Variants in TDRD5 observed in about 807,000 individuals in gnomAD.
The protein encoded by TDRD5 is tudor domain containing 5.
In TDRD5, 41 loss-of-function variants were observed where a neutral mutation model predicts 120.6. That is an observed-to-expected ratio of 0.34 (90% CI 0.26 to 0.44). The LOEUF (loss-of-function observed/expected upper bound fraction) is 0.44, where lower values mean the gene tolerates loss of function less well. Ranked by LOEUF, TDRD5 falls within the 20% of genes least tolerant of loss-of-function variation. The pLI is 1.00. For synonymous variants in TDRD5, 430 were observed against 433.7 expected, an observed-to-expected ratio of 0.99 and a Z score of 0.11; for missense variants, 1,006 against 1,221.2, an observed-to-expected ratio of 0.82 and a Z score of 2.63.
chr1:179,630,072 T>TGGGTTCATGCCATTCTCC lies in TDRD5; in HGVS notation c.973-674_973-657dup, dbSNP rs936314735. 2.6e-5 allele frequency among the ~76,000 whole-genome samples: 4 copies of TGGGTTCATGCCATTCTCC among 151,702 alleles called. No homozygotes were observed. The East Asian group carries it at 7.7e-4, about 29-fold the overall frequency. ...TTGGCTCACTGCAAGCTCCACCTCC[T>TGGGTTCATGCCATTCTCC]GGGTTCATGCCATTCTCCGGGTTCA... On this transcript the variant is annotated intron_variant, in intron 6 of 17. Transcript: ENST00000444136.
Position 179,649,460 on chromosome 1 carries a change from T to C in TDRD5, c.1801-1407T>C, listed in dbSNP as rs542028452. ...TTTCCATGCTGCATTCTGGGAAATT[T>C]TTTTCAAAATACCTCACACTTTACC... On this transcript the variant is annotated intron_variant, in intron 11 of 17. Transcript: ENST00000444136. 5.3e-5 allele frequency among the ~76,000 whole-genome samples: 8 copies of C among 152,236 alleles called. No individual in the cohort carries two copies. The South Asian group carries it at 1.7e-3, about 32-fold the overall frequency.
At chr1:179,652,343 G>A (rs1678768223) in intron 13 of TDRD5, 146 bp downstream of exon 13, 1 of 819,956 alleles carries the variant, frequency 1.2e-6, no homozygotes, top group Non-Finnish European at 1.9e-6. Context: ...TTATTTGCTG[G>A]CTTAAGTGTT....
intron 5 of TDRD5, 54 bp from the exon 6 acceptor site, chr1:179,620,981 G>A: frequency 7.7e-7 from 1 of 1,301,774 alleles, no homozygotes; most frequent in Non-Finnish European, 1.1e-6. Flanking sequence ...TTTTAATATT[G>A]TGTCACTCAG....
intron 17 of TDRD5, among the ~76,000 whole-genome samples, chr1:179,683,716 T>G (rs1005828082): frequency 7.9e-5 from 12 of 152,228 alleles, no homozygotes; most frequent in African/African-American, 2.9e-4. Context: ...GGTGCCAATT[T>G]GAAGGGTTTC....
At chr1:179,619,134 A>C (rs1055889763) in intron 5 of TDRD5, among the ~76,000 whole-genome samples, 2 of 152,140 alleles carry the variant, frequency 1.3e-5, no homozygotes, top group Non-Finnish European at 2.9e-5. Flanking sequence ...ATTTTTCTAG[A>C]AGTGGAATTG....
Position 179,607,085 on chromosome 1 carries a change from C to T in TDRD5, c.831+11267C>T, listed in dbSNP as rs80157095. 7.8e-4 allele frequency among the ~76,000 whole-genome samples: 118 copies of T among 152,074 alleles called. 2 individuals carry two copies. In the East Asian group the frequency reaches 0.022, roughly 28 times the overall value. ...TATCCATGAACATGGAATAATTATCCGTTTATTTCTTCTTTGATATCTTTC... is the reference window on the plus strand; with the variant it reads ...TATCCATGAACATGGAATAATTATCTGTTTATTTCTTCTTTGATATCTTTC... On this transcript the variant is annotated intron_variant, in intron 4 of 17. Transcript: ENST00000444136.
In TDRD5 at chr1:179,632,774, C is replaced by T. The variant is rs181293604; in HGVS notation, c.1127-1683C>T. Among the ~76,000 whole-genome samples, 418 of 152,218 alleles carry T rather than the reference C, an allele frequency of 2.7e-3. 3 individuals carry two copies. The highest frequency in any genetic ancestry group is 9.5e-3 in the African/African-American group (395 of 41,542). On this transcript the variant is annotated intron_variant, in intron 7 of 17. Transcript: ENST00000444136. ...TACACAAAACAGTAGTATATAAATA[C>T]AAATTTTCCTCAACTTATGATGGGG...
intron 11 of TDRD5, among the ~76,000 whole-genome samples, chr1:179,646,253 A>G (rs972652245): frequency 2.6e-5 from 4 of 152,232 alleles, no homozygotes; most frequent in African/African-American, 9.6e-5. Context: ...ACATTAGAGC[A>G]CTTTAACTCC....
intron 14 of TDRD5, among the ~76,000 whole-genome samples, chr1:179,660,370 C>T (rs1679246898): frequency 6.6e-6 from 1 of 151,934 alleles, no homozygotes; most frequent in African/African-American, 2.4e-5. Context: ...CAGGCACCCA[C>T]CAGCACACCT....
intron 17 of TDRD5, 141 bp downstream of exon 17, chr1:179,669,545 TTA>T: frequency 1.0e-6 from 1 of 996,642 alleles, no homozygotes; most frequent in Non-Finnish European, 1.5e-6. Flanking sequence ...AGTCCTTGTT[TTA>T]TGTTTGGGCT....
chr1:179,665,219 A>G (rs1281970813), intron 16 of TDRD5, among the ~76,000 whole-genome samples: 1 of 152,094 alleles, frequency 6.6e-6, no homozygotes, highest in Non-Finnish European at 1.5e-5. Flanking sequence ...TTTTCACTTA[A>G]TGGTGTCCAT....
At chr1:179,642,024 C>T (rs553909571) in intron 11 of TDRD5, among the ~76,000 whole-genome samples, 32 of 151,964 alleles carry the variant, frequency 2.1e-4, no homozygotes, top group Admixed American at 1.3e-3. Flanking sequence ...AGCCAGTGTT[C>T]ATTACTTTCA....
intron 15 of TDRD5, 32 bp from the exon 16 acceptor site, chr1:179,663,316 C>A (rs760667222): frequency 1.3e-6 from 2 of 1,585,050 alleles, no homozygotes; most frequent in South Asian, 2.3e-5. Flanking sequence ...TGCACTTTAT[C>A]TCAGTCTGTT....
At chr1:179,597,833 A>C (rs763113143) in intron 4 of TDRD5, among the ~76,000 whole-genome samples, 10 of 152,122 alleles carry the variant, frequency 6.6e-5, no homozygotes, top group Non-Finnish European at 1.5e-4. Context: ...TGGCACCTCC[A>C]TTCACCTCAC....
At chr1:179,619,067 G>A (rs1431683303) in intron 5 of TDRD5, among the ~76,000 whole-genome samples, 1 of 152,020 alleles carries the variant, frequency 6.6e-6, no homozygotes, top group Non-Finnish European at 1.5e-5. Context: ...ATTGATTAAA[G>A]TTTTGGTGTT....
chr1:179,660,080 A>G (rs893816757), intron 14 of TDRD5, among the ~76,000 whole-genome samples: 1 of 151,610 alleles, frequency 6.6e-6, no homozygotes, highest in Admixed American at 6.6e-5. Flanking sequence ...GTGATTATAT[A>G]TATGTTTTTA....
At position 179,652,189 on chromosome 1, in the gene TDRD5, C is replaced by T. The variant is rs563073215; in HGVS notation, c.2152C>T (p.Arg718Cys). Residue 718 changes from arginine to cysteine, a missense_variant, in exon 13 of 18, where the codon CGT becomes TGT. Physicochemically the swap from Arg to Cys is radical, Grantham distance 180. Coordinates refer to ENST00000444136, the MANE Select transcript of TDRD5 (RefSeq NM_001199085.3). Reference protein sequence around the residue: ...ISPQSKESELRILQDINDEKS... With the variant: ...ISPQSKESELCILQDINDEKS... The stretch of plus-strand genomic sequence containing the variant: ...TCCACAGTCAAAAGAGAGTGAGTTA[C>T]GTATCTTGGTAAGAGATTTTTGCAA... The T allele has an allele frequency of 2.5e-5, 40 of 1,601,414 alleles. No homozygotes were observed. Among genetic ancestry groups the T allele is most frequent in the East Asian group, 4.5e-5 (2 of 44,654 alleles).
rs200128063 is a variant in TDRD5, at chr1:179,606,657, G to GT, written c.831+10846dup. 9.9e-3 allele frequency among the ~76,000 whole-genome samples: 1,499 copies of GT among 152,114 alleles called. 13 individuals carry two copies. The highest frequency in any genetic ancestry group is 0.034 in the African/African-American group (1,431 of 41,498). On this transcript the variant is annotated intron_variant, in intron 4 of 17. Coordinates refer to ENST00000444136, the MANE Select transcript of TDRD5 (RefSeq NM_001199085.3). ...TGTGTGTGTGGGGTCGTTTTTGTGG[G>GT]TTTTTTTGCAAGTGGATGTTCAATT...
At chr1:179,602,466 A>C (rs1287756115) in intron 4 of TDRD5, among the ~76,000 whole-genome samples, 1 of 152,054 alleles carries the variant, frequency 6.6e-6, no homozygotes, top group African/African-American at 2.4e-5. Context: ...CAATGTCTAG[A>C]AGGGTTTTTC....
Sources: gnomAD v4.1 joint callset for allele counts (sites outside exome capture counted in the v4.1 genomes callset) on GRCh38, gnomAD v4.1.1 for gene constraint, MANE v1.5 for transcripts, NCBI Gene and HGNC (gene_info 2026-07-23, HGNC 2026-07-21) for gene names.